The following SLIT1 variants were observed in gnomAD, a reference collection of about 807,000 sequenced individuals.
SLIT1 encodes the protein slit homolog 1 protein.
Under a neutral mutation model 186.1 loss-of-function variants are expected in SLIT1, and 66 were observed. The ratio of observed to expected loss-of-function variants is 0.35; its 90% CI spans 0.29 to 0.44. The LOEUF is 0.44. SLIT1 is among the 20% of genes least tolerant of loss of function. The pLI is 1.00. For synonymous variants in SLIT1, 761 were observed against 833.8 expected, an observed-to-expected ratio of 0.91 and a Z score of 1.50; for missense variants, 1,638 against 2,037.4, an observed-to-expected ratio of 0.80 and a Z score of 3.77.
In SLIT1 at chr10:97,125,373, A is replaced by C. The variant is rs369508251; in HGVS notation, c.413+32445T>G. ...AACATGGCAGAAATCCTGTCTGTAC[A>C]AAAAATACAAAAATTAGCCAGGCCT... On this transcript the variant is annotated intron_variant, in intron 4 of 36. Transcript: ENST00000266058. 4.0e-3 allele frequency among the ~76,000 whole-genome samples: 604 copies of C among 152,156 alleles called. 7 individuals carry two copies. The highest frequency in any genetic ancestry group is 0.014 in the African/African-American group (590 of 41,514).
intron 4 of SLIT1, among the ~76,000 whole-genome samples, chr10:97,112,959 G>A (rs908143386): frequency 3.3e-5 from 5 of 152,188 alleles, no homozygotes; most frequent in East Asian, 1.9e-4. Flanking sequence ...CTTTCAAAGC[G>A]CTGGGATTAC....
chr10:97,082,677 G>T (rs1247026929), intron 4 of SLIT1, among the ~76,000 whole-genome samples: 1 of 152,108 alleles, frequency 6.6e-6, no homozygotes, highest in African/African-American at 2.4e-5. Flanking sequence ...CTTGTGATCT[G>T]CCCTCCTCGG....
chr10:97,066,462 C>G (rs1848947569), intron 4 of SLIT1, among the ~76,000 whole-genome samples: 1 of 152,148 alleles, frequency 6.6e-6, no homozygotes, highest in South Asian at 2.1e-4. Flanking sequence ...ATGGTAATCC[C>G]CAGTGCTGGA....
chr10:97,002,273 G>A lies in SLIT1; in HGVS notation c.4251C>T (p.Ala1417=), dbSNP rs1175655255. Residue 1417 remains alanine, a synonymous_variant, in exon 36 of 37, where the codon GCC becomes GCT. Coordinates refer to ENST00000266058, the MANE Select transcript of SLIT1 (RefSeq NM_003061.3). ...YSGALCNQAG[A]LAEPCRGLQC... ...GCAGGCCTCTGCAGGGCTCTGCCAGGGCCCCGGCCTGGTTGCACAGTGCCC... is the reference window on the plus strand; with the variant it reads ...GCAGGCCTCTGCAGGGCTCTGCCAGAGCCCCGGCCTGGTTGCACAGTGCCC... The A allele has an allele frequency of 5.6e-6, 9 of 1,607,882 alleles. No individual in the cohort carries two copies. In the Admixed American group the frequency reaches 6.7e-5, roughly 12 times the overall value.
chr10:97,010,783 G>C lies in SLIT1; in HGVS notation c.3341+210C>G, dbSNP rs922940344. On this transcript the variant is annotated intron_variant, in intron 31 of 36. Coordinates refer to ENST00000266058, the MANE Select transcript of SLIT1 (RefSeq NM_003061.3). This position sits in a 1 kb window ranked among gnomAD's most constrained non-coding sequence, Gnocchi z 4.8. The stretch of plus-strand genomic sequence containing the variant: ...ACCTCTCATGCCCTCCACCAAACAG[G>C]TTAGGGGTCCTCTGCCTAGGCCCTG... Among the ~76,000 whole-genome samples, 1 of 152,194 alleles carries C rather than the reference G, an allele frequency of 6.6e-6. No individual in the cohort carries two copies. Among genetic ancestry groups the C allele is most frequent in the Non-Finnish European group, 1.5e-5 (1 of 68,040 alleles).
At chr10:97,111,549 C>T (rs1310779394) in intron 4 of SLIT1, among the ~76,000 whole-genome samples, 3 of 152,220 alleles carry the variant, frequency 2.0e-5, no homozygotes, top group Non-Finnish European at 4.4e-5. Flanking sequence ...ACAAAGACTG[C>T]GTCTTTCCAT....
intron 26 of SLIT1, among the ~76,000 whole-genome samples, 155 bp from the exon 27 acceptor site, chr10:97,019,262 C>A (rs1848482449): frequency 6.6e-6 from 1 of 152,206 alleles, no homozygotes; most frequent in African/African-American, 2.4e-5. Flanking sequence ...CACTGCCCAC[C>A]TTTCCAGCCT....
intron 18 of SLIT1, 26 bp downstream of exon 18, chr10:97,046,628 C>A (rs1848735842): frequency 1.3e-6 from 2 of 1,579,860 alleles, no homozygotes; most frequent in African/African-American, 1.3e-5. Context: ...GCTGGCCCAC[C>A]CTGCTCCCCA....
chr10:97,007,696 T>G (rs1339661598), intron 31 of SLIT1, among the ~76,000 whole-genome samples: 2 of 150,780 alleles, frequency 1.3e-5, no homozygotes, highest in Non-Finnish European at 3.0e-5. Flanking sequence ...AAAAAAAAAG[T>G]TCATCTCAAT....
At position 97,166,809 on chromosome 10, in the gene SLIT1, G is replaced by T. The variant is rs1253075206; in HGVS notation, c.198-1919C>A. Among the ~76,000 whole-genome samples, 4 of 152,156 alleles carry T rather than the reference G, an allele frequency of 2.6e-5. No individual in the cohort carries two copies. In the East Asian group the frequency reaches 5.8e-4, roughly 22 times the overall value. On this transcript the variant is annotated intron_variant, in intron 1 of 36. Coordinates refer to ENST00000266058, the MANE Select transcript of SLIT1 (RefSeq NM_003061.3). ...GGCATTATGCACACCCTCACACAACGCAAAAAAGTAGTAACTGTGCTCATC... is the reference window on the plus strand; with the variant it reads ...GGCATTATGCACACCCTCACACAACTCAAAAAAGTAGTAACTGTGCTCATC...
At chr10:97,094,586 C>T (rs1021339087) in intron 4 of SLIT1, among the ~76,000 whole-genome samples, 4 of 152,116 alleles carry the variant, frequency 2.6e-5, no homozygotes, top group Non-Finnish European at 5.9e-5. Context: ...GATACAATGT[C>T]GAGTTTGGGC....
intron 25 of SLIT1, among the ~76,000 whole-genome samples, chr10:97,029,443 C>T (rs1848573037): frequency 6.6e-6 from 1 of 152,144 alleles, no homozygotes; most frequent in East Asian, 1.9e-4. Context: ...CAAAAGGAGA[C>T]AGTTGCACCT....
At chr10:97,099,193 C>A (rs139891842) in intron 4 of SLIT1, among the ~76,000 whole-genome samples, 1 of 151,794 alleles carries the variant, frequency 6.6e-6, no homozygotes, top group Non-Finnish European at 1.5e-5. Flanking sequence ...CCATTGGGAA[C>A]GTGAGACAGG....
chr10:97,024,890 C>T (rs561128167), intron 25 of SLIT1, among the ~76,000 whole-genome samples: 11 of 152,282 alleles, frequency 7.2e-5, no homozygotes, highest in Admixed American at 2.6e-4. Context: ...AGAGGGCCCA[C>T]GGCGTGGCTT....
intron 3 of SLIT1, among the ~76,000 whole-genome samples, chr10:97,158,103 C>G (rs1352171622): frequency 6.6e-6 from 1 of 152,164 alleles, no homozygotes; most frequent in Admixed American, 6.5e-5. Context: ...AGGATAAGAA[C>G]AGAGTGTCTG....
chr10:97,044,142 C>T (rs1848715528), intron 18 of SLIT1, among the ~76,000 whole-genome samples: 1 of 152,248 alleles, frequency 6.6e-6, no homozygotes. Context: ...TGGCTCATGC[C>T]TGTAAAAACA....
At chr10:97,169,954 A>G (rs1850166174) in intron 1 of SLIT1, among the ~76,000 whole-genome samples, 1 of 152,230 alleles carries the variant, frequency 6.6e-6, no homozygotes, top group South Asian at 2.1e-4. Context: ...CCTACGTCAC[A>G]AGTCCTCATG....
intron 23 of SLIT1, among the ~76,000 whole-genome samples, chr10:97,032,879 A>G (rs1010936599): frequency 1.3e-5 from 2 of 152,080 alleles, no homozygotes; most frequent in Non-Finnish European, 2.9e-5. Flanking sequence ...CAAAATAATC[A>G]TGCTGGGCGC....
At position 97,166,557 on chromosome 10, in the gene SLIT1, A is replaced by AGG. The variant is rs1283710320; in HGVS notation, c.198-1668_198-1667insCC. Among the ~76,000 whole-genome samples the AGG allele has an allele frequency of 8.0e-4, 44 of 55,208 alleles. 1 individual carries two copies. The highest frequency in any genetic ancestry group is 3.1e-3 in the African/African-American group (44 of 13,986). The allele number at this position is 55,208 out of a possible 152,430, so 36.2% of individuals were successfully genotyped here. On this transcript the variant is annotated intron_variant, in intron 1 of 36. Transcript: ENST00000266058. ...AAGGAAGGAAGGAAGGAAGGAAGGAAAGAGAGAGAGAGAGAAAGAAAGAAA... is the reference window on the plus strand; with the variant it reads ...AAGGAAGGAAGGAAGGAAGGAAGGAAGGAGAGAGAGAGAGAGAAAGAAAGAAA...
Sources: gnomAD v4.1 joint callset for allele counts (sites outside exome capture counted in the v4.1 genomes callset) on GRCh38, gnomAD v4.1.1 for gene constraint, Gnocchi (gnomAD v3.1) non-coding constraint, MANE v1.5 for transcripts, NCBI Gene and HGNC (gene_info 2026-07-23, HGNC 2026-07-21) for gene names.